HECW1: variants seen among roughly 807,000 people sequenced by gnomAD.
HECW1 encodes HECT, C2 and WW domain containing E3 ubiquitin protein ligase 1, also known as E3 ubiquitin-protein ligase HECW1.
In HECW1, 61 loss-of-function variants were observed where a neutral mutation model predicts 182.3. The ratio of observed to expected loss-of-function variants is 0.33; its 90% CI spans 0.27 to 0.41. The LOEUF (loss-of-function observed/expected upper bound fraction) is 0.41. Ranked by LOEUF, HECW1 falls within the 10% of genes least tolerant of loss-of-function variation. The pLI, the probability that HECW1 is intolerant of heterozygous loss-of-function variation, is 1.00. For missense variants in HECW1, 1,739 were observed against 2,108.9 expected (o/e 0.82, Z 3.44); for synonymous variants, 859 against 832.6 (o/e 1.03, Z -0.55).
At chr7:43,250,044 C>T (rs1358481352) in intron 3 of HECW1, among the ~76,000 whole-genome samples, 1 of 152,028 alleles carries the variant, frequency 6.6e-6, no homozygotes, top group Non-Finnish European at 1.5e-5. Context: ...TCAGTATTTT[C>T]ATGATCACAG....
intron 2 of HECW1, among the ~76,000 whole-genome samples, chr7:43,224,740 AGGAGGTTGAGGCTGCAGTGAGCC>A (rs1442108911): frequency 2.0e-5 from 3 of 152,224 alleles, no homozygotes; most frequent in African/African-American, 4.8e-5. Flanking sequence ...ACCTGAGCCC[AGGAGGTTGAGGCTGCAGTGAGCC>A]GTGATTGCAC....
At chr7:43,502,812 AAAGT>A (rs2079419363) in intron 21 of HECW1, among the ~76,000 whole-genome samples, 1 of 152,214 alleles carries the variant, frequency 6.6e-6, no homozygotes, top group African/African-American at 2.4e-5. Context: ...GGTTTCATTT[AAAGT>A]AAAAGAGATC....
chr7:43,264,563 C>T (rs1021578351), intron 3 of HECW1, among the ~76,000 whole-genome samples: 1 of 151,934 alleles, frequency 6.6e-6, no homozygotes, highest in African/African-American at 2.4e-5. Flanking sequence ...TTACTATTGT[C>T]AGCCAGGCGC....
At chr7:43,317,411 G>A (rs548801790) in intron 4 of HECW1, among the ~76,000 whole-genome samples, 3 of 152,352 alleles carry the variant, frequency 2.0e-5, no homozygotes, top group South Asian at 4.1e-4. Flanking sequence ...TGAGGCAAAG[G>A]CATCAGCCTC....
At chr7:43,162,625 T>A (rs1790666417) in intron 2 of HECW1, among the ~76,000 whole-genome samples, 1 of 152,202 alleles carries the variant, frequency 6.6e-6, no homozygotes, top group African/African-American at 2.4e-5. Context: ...GACATGGACA[T>A]ATCTTTTGGA....
At chr7:43,160,555 T>C (rs371514122) in intron 2 of HECW1, among the ~76,000 whole-genome samples, 1 of 152,198 alleles carries the variant, frequency 6.6e-6, no homozygotes, top group African/African-American at 2.4e-5. Context: ...TCTCCCTTGG[T>C]TTGGAAATGT....
intron 2 of HECW1, among the ~76,000 whole-genome samples, chr7:43,191,033 A>G (rs1313745410): frequency 6.6e-6 from 1 of 152,236 alleles, no homozygotes; most frequent in Admixed American, 6.5e-5. Context: ...ATCACAAAAC[A>G]AAAAGGCTCA....
intron 5 of HECW1, among the ~76,000 whole-genome samples, chr7:43,351,977 C>T (rs943205482): frequency 6.6e-6 from 1 of 152,144 alleles, no homozygotes; most frequent in South Asian, 2.1e-4. Flanking sequence ...CCAGAGCTTT[C>T]CTTTTTGACA....
chr7:43,463,364 GA>G (rs2077652655), intron 13 of HECW1, among the ~76,000 whole-genome samples: 1 of 152,140 alleles, frequency 6.6e-6, no homozygotes, highest in Non-Finnish European at 1.5e-5. Flanking sequence ...GACTTAGCCT[GA>G]TTTTGTTTAA....
chr7:43,445,623 G>T (rs529670669), intron 11 of HECW1, 53 bp downstream of exon 11: 2 of 1,475,442 alleles, frequency 1.4e-6, no homozygotes, highest in South Asian at 2.8e-5. Flanking sequence ...GGGGACAAAG[G>T]TGTCACCAAC....
At chr7:43,256,790 A>G (rs1023373619) in intron 3 of HECW1, among the ~76,000 whole-genome samples, 1 of 152,120 alleles carries the variant, frequency 6.6e-6, no homozygotes, top group African/African-American at 2.4e-5. Context: ...AGAACCTGCT[A>G]TTCTTCATCC....
intron 23 of HECW1, 123 bp downstream of exon 23, chr7:43,508,254 A>T: frequency 1.6e-6 from 1 of 606,474 alleles, no homozygotes. Context: ...TGCGATTCTG[A>T]TCACATTCTC....
At chr7:43,560,716 C>A (rs1165731179) in intron 29 of HECW1, among the ~76,000 whole-genome samples, 1 of 152,168 alleles carries the variant, frequency 6.6e-6, no homozygotes, top group Non-Finnish European at 1.5e-5. Context: ...ACACAAGTCC[C>A]CTAGGGATCT....
At chr7:43,297,303 A>G (rs1395052148) in intron 3 of HECW1, among the ~76,000 whole-genome samples, 1 of 152,232 alleles carries the variant, frequency 6.6e-6, no homozygotes, top group Non-Finnish European at 1.5e-5. Context: ...AAATGTCACA[A>G]TTACACTTGT....
At chr7:43,189,359 T>C (rs11769310) in intron 2 of HECW1, among the ~76,000 whole-genome samples, 36,565 of 151,930 alleles carry the variant, frequency 0.24, 4,577 homozygotes, top group Middle Eastern at 0.27. Context: ...TAATTAGCTC[T>C]CAGGCGATAG....
intron 6 of HECW1, among the ~76,000 whole-genome samples, chr7:43,395,849 A>T (rs2075211281): frequency 6.6e-6 from 1 of 152,224 alleles, no homozygotes; most frequent in African/African-American, 2.4e-5. Flanking sequence ...TGATGTGAAT[A>T]TCCAATCACA....
chr7:43,193,317 C>T (rs1449400751), intron 2 of HECW1, among the ~76,000 whole-genome samples: 3 of 152,088 alleles, frequency 2.0e-5, no homozygotes, highest in Non-Finnish European at 2.9e-5. Context: ...CCAGTCCTGC[C>T]GAACTCCTAT....
chr7:43,428,480 G>A (rs547523669), intron 8 of HECW1, among the ~76,000 whole-genome samples: 1 of 152,154 alleles, frequency 6.6e-6, no homozygotes, highest in Admixed American at 6.5e-5. Context: ...CTGAAGACAG[G>A]GAGACCAGTT....
chr7:43,480,427 C>T (rs1444387066), intron 17 of HECW1, among the ~76,000 whole-genome samples: 1 of 151,920 alleles, frequency 6.6e-6, no homozygotes, highest in Non-Finnish European at 1.5e-5. Flanking sequence ...CTTTTTATGT[C>T]CTAATTGACA....
Sources: allele counts gnomAD v4.1 joint callset (sites outside exome capture counted in the v4.1 genomes callset), GRCh38; gene constraint gnomAD v4.1.1; transcripts MANE v1.5; gene names NCBI Gene and HGNC (gene_info 2026-07-23, HGNC 2026-07-21).